ATP13A4: variants seen among roughly 807,000 people sequenced by gnomAD.
ATP13A4 encodes probable cation-transporting ATPase 13A4.
Under a neutral mutation model 142.5 loss-of-function variants are expected in ATP13A4, and 114 were observed. The ratio of observed to expected loss-of-function variants is 0.80; its 90% CI spans 0.69 to 0.93. The LOEUF (loss-of-function observed/expected upper bound fraction) is 0.93, where lower values mean the gene tolerates loss of function less well. Ranked by LOEUF, ATP13A4 falls within the 40% of genes least tolerant of loss-of-function variation. The pLI, the probability that ATP13A4 is intolerant of heterozygous loss-of-function variation, is 0.00. For missense variants in ATP13A4, 1,392 were observed against 1,454.0 expected (o/e 0.96, Z 0.69); for synonymous variants, 488 against 514.8 (o/e 0.95, Z 0.70).
rs531440883 is a variant in ATP13A4, at chr3:193,445,920, T to G, written c.2152+2286A>C. 5.3e-5 allele frequency among the ~76,000 whole-genome samples: 8 copies of G among 151,260 alleles called. No individual in the cohort carries two copies. In the South Asian group the frequency reaches 1.7e-3, roughly 32 times the overall value. ...GATTCAAAAGGGGATTTGAAAAAGA[T>G]AATGAGCATTGTTGAGACCTGAGAT... On this transcript the variant is annotated intron_variant, in intron 18 of 29. Coordinates refer to ENST00000342695, the MANE Select transcript of ATP13A4 (RefSeq NM_032279.4).
At chr3:193,586,473 G>A (rs1304856435) in intron 1 of ATP13A4, among the ~76,000 whole-genome samples, 1 of 152,046 alleles carries the variant, frequency 6.6e-6, no homozygotes, top group Admixed American at 6.5e-5. Flanking sequence ...TACATTTAGG[G>A]CTATGTCCCA....
chr3:193,576,869 G>A (rs952856753), intron 2 of ATP13A4, among the ~76,000 whole-genome samples: 7 of 152,188 alleles, frequency 4.6e-5, no homozygotes, highest in Non-Finnish European at 7.3e-5. Context: ...GACACTGCTG[G>A]AATAAAGGAA....
chr3:193,505,438 A>C (rs1720808768), intron 2 of ATP13A4, among the ~76,000 whole-genome samples: 1 of 151,968 alleles, frequency 6.6e-6, no homozygotes, highest in Non-Finnish European at 1.5e-5. Context: ...TCATCTATAC[A>C]CCTATCTCTT....
At position 193,581,609 on chromosome 3, in the gene ATP13A4, C is replaced by G. The variant is rs1238348043; in HGVS notation, n.291+98G>C. ...CCTAGCATTCCTAATCCCTTTGAAT[C>G]TGATGAATCTGATTCTGTTTAGGTG... On this transcript the variant is annotated intron_variant and non_coding_transcript_variant, in intron 2 of 3. Coordinates refer to the ATP13A4 transcript ENST00000489140. 5 of 152,134 alleles carry G rather than the reference C, an allele frequency of 3.3e-5. No individual in the cohort carries two copies. In the East Asian group the frequency reaches 9.6e-4, roughly 29 times the overall value. The allele number at this position is 152,134 out of a possible 1,614,324, so 9.4% of individuals were successfully genotyped here.
At chr3:193,403,698 G>T in intron 29 of ATP13A4, 1 of 934,866 alleles carries the variant, frequency 1.1e-6, no homozygotes, top group Non-Finnish European at 1.3e-6. Flanking sequence ...GCCTTGAATA[G>T]AGCCCAAGTT....
chr3:193,514,691 CACTT>C lies in ATP13A4; in HGVS notation c.234+3_234+6del. ...GGCACCAGCGACATAACCAGGTACA[CACTT>C]ACCGTTGTCCTCAGCAACACAGTGT... is the stretch of plus-strand genomic sequence containing the variant. On this transcript the variant is annotated splice_donor_5th_base_variant and intron_variant, in intron 2 of 29. Coordinates refer to ENST00000342695, the MANE Select transcript of ATP13A4 (RefSeq NM_032279.4). 1.2e-6 allele frequency: 2 copies of C among 1,614,094 alleles called. No homozygotes were observed. The highest frequency in any genetic ancestry group is 1.7e-6 in the Non-Finnish European group (2 of 1,179,958).
At position 193,554,731 on chromosome 3, in the gene ATP13A4, G is replaced by T. The variant is rs745889531; in HGVS notation, c.60+9C>A. 1.2e-6 allele frequency: 2 copies of T among 1,613,216 alleles called. No individual in the cohort carries two copies. On this transcript the variant is annotated intron_variant, in intron 1 of 29. Coordinates refer to ENST00000342695, the MANE Select transcript of ATP13A4 (RefSeq NM_032279.4). ...GGATGGGAAGAAGGGAATGTGGCTA[G>T]AATCTTACCATCTCATTCTCTTCTC...
At chr3:193,578,712 CTCTGTCTGTCTG>C (rs915731967) in intron 2 of ATP13A4, 1 of 152,552 alleles carries the variant, frequency 6.6e-6, no homozygotes, top group African/African-American at 2.4e-5. Flanking sequence ...GGAACATACC[CTCTGTCTGTCTG>C]TCTGTCTGTC....
intron 1 of ATP13A4, among the ~76,000 whole-genome samples, chr3:193,533,761 C>T (rs1722447040): frequency 1.3e-5 from 2 of 152,142 alleles, no homozygotes; most frequent in African/African-American, 4.8e-5. Flanking sequence ...CCATCCTCAC[C>T]AGACTGTAAT....
rs528610054 is a variant in ATP13A4 at position 193,436,831 on chromosome 3, G to A, written c.2673-1087C>T. Among the ~76,000 whole-genome samples, 154 of 140,894 alleles carry A rather than the reference G, an allele frequency of 1.1e-3. 7 individuals carry two copies. Among genetic ancestry groups the A allele is most frequent in the African/African-American group, 4.5e-3 (141 of 31,436 alleles). The allele number at this position is 140,894 out of a possible 152,430, so 92.4% of individuals were successfully genotyped here. On this transcript the variant is annotated intron_variant, in intron 23 of 29. Transcript: ENST00000342695. Reference sequence around the variant, plus strand: ...TAAAACCTGATCCCCGGGGCCGGGCGCGGTGGCTCACGCCTGTAATCCCAG... The same window carrying A: ...TAAAACCTGATCCCCGGGGCCGGGCACGGTGGCTCACGCCTGTAATCCCAG...
chr3:193,411,712 C>T lies in ATP13A4; in HGVS notation c.3208+466G>A, dbSNP rs1382700366. Among the ~76,000 whole-genome samples the T allele has an allele frequency of 3.9e-5, 6 of 152,144 alleles. No homozygotes were observed. The East Asian group carries it at 5.8e-4, about 15-fold the overall frequency. On this transcript the variant is annotated intron_variant, in intron 27 of 29. Coordinates refer to ENST00000342695, the MANE Select transcript of ATP13A4 (RefSeq NM_032279.4). Reference sequence around the variant, plus strand: ...GGAAGTAGGAGGGAGGTACTCTGGCCGAGAGCCTCCATAACCCTCTCTAGT... The same window carrying T: ...GGAAGTAGGAGGGAGGTACTCTGGCTGAGAGCCTCCATAACCCTCTCTAGT...
intron 2 of ATP13A4, among the ~76,000 whole-genome samples, chr3:193,578,263 A>G (rs1357680252): frequency 2.6e-5 from 4 of 151,994 alleles, no homozygotes; most frequent in African/African-American, 9.7e-5. Context: ...ATTGCACTCT[A>G]GCCTGTGCAA....
At chr3:193,473,753 G>A (rs1384136388) in intron 8 of ATP13A4, among the ~76,000 whole-genome samples, 1 of 152,152 alleles carries the variant, frequency 6.6e-6, no homozygotes, top group Non-Finnish European at 1.5e-5. Context: ...ATTTAACCAT[G>A]AGGCAACATC....
At chr3:193,555,212 G>A, upstream of ATP13A4, 2 of 308,082 alleles carry the variant, frequency 6.5e-6, no homozygotes, top group Middle Eastern at 1.1e-3. Context: ...TGAGGAGCGG[G>A]TGCAAGAACT....
intron 8 of ATP13A4, among the ~76,000 whole-genome samples, chr3:193,473,853 A>T (rs1263711319): frequency 6.6e-6 from 1 of 152,216 alleles, no homozygotes; most frequent in African/African-American, 2.4e-5. Flanking sequence ...AAGATTAAAG[A>T]GACATGGCAA....
chr3:193,510,687 C>G (rs1721097381), intron 2 of ATP13A4, among the ~76,000 whole-genome samples: 1 of 151,970 alleles, frequency 6.6e-6, no homozygotes, highest in Non-Finnish European at 1.5e-5. Flanking sequence ...TGAAAATAAA[C>G]TGTGTACTGT....
Position 193,462,759 on chromosome 3 carries a change from C to T in ATP13A4, c.1523+3G>A, listed in dbSNP as rs1251158120. 1.9e-6 allele frequency: 3 copies of T among 1,613,184 alleles called. No homozygotes were observed. The highest frequency in any genetic ancestry group is 3.3e-5 in the Admixed American group (2 of 60,022). On this transcript the variant is annotated splice_donor_region_variant and intron_variant, in intron 13 of 29. Coordinates refer to ENST00000342695, the MANE Select transcript of ATP13A4 (RefSeq NM_032279.4). Reference sequence around the variant, plus strand: ...ATTTAGTCCAAGAGTCCAAGGTACTCACCCATTCCTATCACAGGACACGAC... The same window carrying T: ...ATTTAGTCCAAGAGTCCAAGGTACTTACCCATTCCTATCACAGGACACGAC...
intron 1 of ATP13A4, among the ~76,000 whole-genome samples, chr3:193,583,927 G>T (rs1033846212): frequency 6.6e-5 from 10 of 152,134 alleles, no homozygotes; most frequent in African/African-American, 1.4e-4. Context: ...TCTAAACAAA[G>T]ATTAGAAGTA....
chr3:193,474,926 G>A (rs1332380791), intron 8 of ATP13A4, among the ~76,000 whole-genome samples: 4 of 152,004 alleles, frequency 2.6e-5, no homozygotes, highest in Non-Finnish European at 4.4e-5. Flanking sequence ...TTCTAAAAAA[G>A]AGAGTGAGAC....
Sources: gnomAD v4.1 joint callset for allele counts (sites outside exome capture counted in the v4.1 genomes callset) on GRCh38, gnomAD v4.1.1 for gene constraint, MANE v1.5 for transcripts, NCBI Gene and HGNC (gene_info 2026-07-23, HGNC 2026-07-21) for gene names.